CCR3: variants seen among roughly 807,000 people sequenced by gnomAD.
The protein encoded by CCR3 is C-C chemokine receptor type 3.
For synonymous variants in CCR3, 203 were observed against 179.2 expected (o/e 1.13, Z -1.06); for missense variants, 419 against 437.5 (o/e 0.96, Z 0.38).
upstream of CCR3, among the ~76,000 whole-genome samples, chr3:46,238,633 C>T (rs957393523): frequency 2.5e-4 from 38 of 152,102 alleles, no homozygotes; most frequent in African/African-American, 7.2e-5. Flanking sequence ...TTTATTAGTG[C>T]GTGGAAGTGT....
At chr3:46,226,152 C>G (rs1360720540) in intron 2 of CCR3, among the ~76,000 whole-genome samples, 1 of 152,100 alleles carries the variant, frequency 6.6e-6, no homozygotes, top group African/African-American at 2.4e-5. Context: ...ATTATTTTAG[C>G]TATTCTAGGT....
intron 2 of CCR3, among the ~76,000 whole-genome samples, chr3:46,232,520 G>A (rs1224790034): frequency 6.6e-6 from 1 of 152,320 alleles, no homozygotes. Flanking sequence ...TCTAGGGATT[G>A]GGCCTGCCTC....
chr3:46,235,440 A>G (rs1190509515), intron 2 of CCR3, among the ~76,000 whole-genome samples: 2 of 152,216 alleles, frequency 1.3e-5, no homozygotes, highest in Non-Finnish European at 2.9e-5. Context: ...AGCTCACCCA[A>G]TTCTCACATC....
intron 1 of CCR3, among the ~76,000 whole-genome samples, chr3:46,251,333 C>T (rs1189044514): frequency 6.6e-6 from 1 of 151,664 alleles, no homozygotes; most frequent in Admixed American, 6.6e-5. Context: ...TTTGTCTCTA[C>T]CAGAAAATGA....
At chr3:46,255,366 A>G (rs985118308) in intron 1 of CCR3, among the ~76,000 whole-genome samples, 2 of 151,750 alleles carry the variant, frequency 1.3e-5, no homozygotes, top group Non-Finnish European at 2.9e-5. Context: ...TCTGCTGATT[A>G]TTTCTTTTGC....
chr3:46,262,649 A>ATTATTTAT (rs765084283), intron 1 of CCR3, among the ~76,000 whole-genome samples: 1 of 151,650 alleles, frequency 6.6e-6, no homozygotes, highest in African/African-American at 2.4e-5. Flanking sequence ...TTAATTTTTA[A>ATTATTTAT]TTATTTATTT....
At chr3:46,231,676 G>A (rs1699967784) in intron 2 of CCR3, among the ~76,000 whole-genome samples, 1 of 152,212 alleles carries the variant, frequency 6.6e-6, no homozygotes, top group Non-Finnish European at 1.5e-5. Context: ...TGAAGTGATA[G>A]TTGTGTTTAT....
intron 1 of CCR3, among the ~76,000 whole-genome samples, chr3:46,258,190 T>C (rs985589770): frequency 3.3e-5 from 5 of 152,244 alleles, no homozygotes; most frequent in African/African-American, 1.2e-4. Flanking sequence ...CTCAGTCATG[T>C]TGACATCTAA....
intron 2 of CCR3, among the ~76,000 whole-genome samples, chr3:46,230,064 T>A (rs1699944480): frequency 6.6e-6 from 1 of 151,808 alleles, no homozygotes; most frequent in Non-Finnish European, 1.5e-5. Context: ...ACCACTCCAG[T>A]AGTCAGAGGG....
At chr3:46,236,303 C>T (rs960632783) in intron 2 of CCR3, among the ~76,000 whole-genome samples, 4 of 152,214 alleles carry the variant, frequency 2.6e-5, no homozygotes, top group Admixed American at 1.3e-4. Context: ...GATAGTTGAA[C>T]TCAGAGCAGC....
upstream of CCR3, chr3:46,242,342 T>C (rs1700097849): frequency 6.6e-6 from 1 of 152,150 alleles, no homozygotes; most frequent in African/African-American, 2.4e-5. Context: ...CAGGAAGTTA[T>C]ATACTTACAT....
intron 2 of CCR3, among the ~76,000 whole-genome samples, chr3:46,228,940 A>G (rs375278005): frequency 8.5e-5 from 13 of 152,304 alleles, no homozygotes; most frequent in African/African-American, 2.9e-4. Flanking sequence ...TGTGCTTGCT[A>G]TTATCAAAAA....
chr3:46,252,958 C>A (rs1192928963), intron 1 of CCR3, among the ~76,000 whole-genome samples: 2 of 151,964 alleles, frequency 1.3e-5, no homozygotes, highest in Non-Finnish European at 2.9e-5. Context: ...GACTTCATGT[C>A]ACATAGTCCA....
chr3:46,246,145 C>A (rs1379366643), intron 1 of CCR3, among the ~76,000 whole-genome samples: 3 of 152,152 alleles, frequency 2.0e-5, no homozygotes, highest in Non-Finnish European at 4.4e-5. Context: ...CTGGACAGTG[C>A]AAAGCAGAGT....
At chr3:46,245,893 T>A (rs1029559963) in intron 1 of CCR3, among the ~76,000 whole-genome samples, 1 of 152,254 alleles carries the variant, frequency 6.6e-6, no homozygotes, top group Non-Finnish European at 1.5e-5. Context: ...TGTTTTTTTA[T>A]GGCTGCATAG....
At chr3:46,246,888 T>A (rs1168926211) in intron 1 of CCR3, among the ~76,000 whole-genome samples, 1 of 151,900 alleles carries the variant, frequency 6.6e-6, no homozygotes, top group African/African-American at 2.4e-5. Flanking sequence ...GTGGGAGAGA[T>A]TAAGCTGAAG....
chr3:46,220,725 C>T (rs11916331), intron 2 of CCR3, among the ~76,000 whole-genome samples: 3,266 of 152,262 alleles, frequency 0.021, 108 homozygotes, highest in African/African-American at 0.065. Context: ...AGTTGGAGAC[C>T]ATTATTCCAA....
At chr3:46,224,667 A>G (rs1699873067) in intron 2 of CCR3, among the ~76,000 whole-genome samples, 1 of 149,086 alleles carries the variant, frequency 6.7e-6, no homozygotes, top group Admixed American at 6.7e-5. Flanking sequence ...AGCCTGGGAG[A>G]CGGAGGTTGC....
chr3:46,251,124 T>A (rs1166672135), intron 1 of CCR3, among the ~76,000 whole-genome samples: 1 of 151,926 alleles, frequency 6.6e-6, no homozygotes, highest in African/African-American at 2.4e-5. Context: ...GTTGAGGTAC[T>A]TGCCCCTTTC....
Sources: gnomAD v4.1 joint callset for allele counts (sites outside exome capture counted in the v4.1 genomes callset) on GRCh38, gnomAD v4.1.1 for gene constraint, MANE v1.5 for transcripts, NCBI Gene and HGNC (gene_info 2026-07-23, HGNC 2026-07-21) for gene names.